NEGR1: variants seen among roughly 807,000 people sequenced by gnomAD.
NEGR1 encodes the protein IgLON family member 4.
Under a neutral mutation model 40.9 loss-of-function variants are expected in NEGR1, and 10 were observed. That is an observed-to-expected ratio of 0.24 (90% CI 0.15 to 0.42). NEGR1 has a LOEUF of 0.42. NEGR1 is among the 10% of genes least tolerant of loss of function. NEGR1 has a pLI of 1.00. For missense variants in NEGR1, 352 were observed against 438.9 expected (o/e 0.80, Z 1.77); for synonymous variants, 185 against 166.8 (o/e 1.11, Z -0.84).
chr1:71,601,300 TA>T (rs1649911435), intron 5 of NEGR1, among the ~76,000 whole-genome samples: 1 of 151,996 alleles, frequency 6.6e-6, no homozygotes, highest in Non-Finnish European at 1.5e-5. Context: ...TGGCTATTAT[TA>T]AAAAGTCAAA....
chr1:71,663,401 T>G (rs143290128), intron 4 of NEGR1, among the ~76,000 whole-genome samples: 1 of 152,336 alleles, frequency 6.6e-6, no homozygotes, highest in Non-Finnish European at 1.5e-5. Flanking sequence ...CTTGCTTCTT[T>G]GTCTATATGC....
At chr1:71,804,844 G>A (rs546368822) in intron 2 of NEGR1, among the ~76,000 whole-genome samples, 6 of 152,176 alleles carry the variant, frequency 3.9e-5, no homozygotes, top group Admixed American at 1.3e-4. Context: ...GCAATGATAA[G>A]GGAACAAGAG....
At chr1:71,717,248 A>T (rs911311212) in intron 3 of NEGR1, among the ~76,000 whole-genome samples, 6 of 152,264 alleles carry the variant, frequency 3.9e-5, no homozygotes, top group African/African-American at 1.4e-4. Context: ...AAGTGACAAT[A>T]GTTCCAGCTA....
intron 1 of NEGR1, among the ~76,000 whole-genome samples, chr1:71,956,099 C>T (rs1646117172): frequency 6.6e-6 from 1 of 152,102 alleles, no homozygotes; most frequent in East Asian, 1.9e-4. Context: ...TTAGTTTGGG[C>T]AACCATATGC....
chr1:71,927,114 C>A lies in NEGR1; in HGVS notation c.409+7965G>T, dbSNP rs1481766316. On this transcript the variant is annotated intron_variant, in intron 2 of 6. Coordinates refer to ENST00000357731, the MANE Select transcript of NEGR1 (RefSeq NM_173808.3). ...TAAATCATAGTAGCTAAACCCATAACCTAATGAATGTCAATATATTCACAG... is the reference window on the plus strand; with the variant it reads ...TAAATCATAGTAGCTAAACCCATAAACTAATGAATGTCAATATATTCACAG... Among the ~76,000 whole-genome samples, 5 of 152,182 alleles carry A rather than the reference C, an allele frequency of 3.3e-5. No individual in the cohort carries two copies. The South Asian group carries it at 1.0e-3, about 32-fold the overall frequency.
intron 6 of NEGR1, chr1:71,421,433 A>G (rs1646392940): frequency 6.6e-6 from 1 of 152,074 alleles, no homozygotes; most frequent in South Asian, 2.1e-4. Context: ...TGAAAAATGG[A>G]AAAAGGATTA....
intron 5 of NEGR1, among the ~76,000 whole-genome samples, chr1:71,601,742 G>A (rs868427888): frequency 3.6e-4 from 55 of 152,184 alleles, no homozygotes; most frequent in African/African-American, 1.0e-3. Context: ...ACTTATAAGT[G>A]GGAGTTAAAA....
At chr1:71,410,222 A>G (rs569592068) in intron 6 of NEGR1, among the ~76,000 whole-genome samples, 1 of 152,276 alleles carries the variant, frequency 6.6e-6, no homozygotes, top group African/African-American at 2.4e-5. Context: ...ATGAATCGTT[A>G]GCTTGCAATT....
Position 72,088,293 on chromosome 1 carries a change from C to T in NEGR1, c.177-152982G>A, listed in dbSNP as rs562245998. On this transcript the variant is annotated intron_variant, in intron 1 of 6. Coordinates refer to ENST00000357731, the MANE Select transcript of NEGR1 (RefSeq NM_173808.3). ...GCTCTTACTCAAAGTGTCAGACCTA[C>T]TGAAATCAGAAACTTTGGGGGAGTG... Among the ~76,000 whole-genome samples the T allele has an allele frequency of 1.2e-4, 19 of 152,220 alleles. 1 individual carries two copies. In the South Asian group the frequency reaches 3.9e-3, roughly 32 times the overall value.
intron 6 of NEGR1, among the ~76,000 whole-genome samples, chr1:71,435,010 GA>G (rs1646498262): frequency 6.6e-6 from 1 of 152,166 alleles, no homozygotes; most frequent in Non-Finnish European, 1.5e-5. Context: ...AGAATGGCGT[GA>G]ACCTGGGAGG....
At chr1:71,470,608 T>G (rs1389426406) in intron 6 of NEGR1, among the ~76,000 whole-genome samples, 1 of 152,126 alleles carries the variant, frequency 6.6e-6, no homozygotes, top group Non-Finnish European at 1.5e-5. Flanking sequence ...TACTGCCTGA[T>G]CCTTGTCAAT....
At chr1:71,638,851 T>A (rs1651252353) in intron 4 of NEGR1, among the ~76,000 whole-genome samples, 1 of 151,936 alleles carries the variant, frequency 6.6e-6, no homozygotes, top group East Asian at 1.9e-4. Context: ...CCCTTTAAAA[T>A]GCCCTTTTCC....
intron 2 of NEGR1, among the ~76,000 whole-genome samples, chr1:71,918,591 A>T (rs959611444): frequency 1.3e-5 from 2 of 152,150 alleles, no homozygotes; most frequent in Non-Finnish European, 2.9e-5. Context: ...ACTAGGTCAG[A>T]GGCTTCAAGG....
intron 1 of NEGR1, among the ~76,000 whole-genome samples, chr1:71,998,220 G>T (rs1350338814): frequency 1.3e-5 from 2 of 151,720 alleles, no homozygotes; most frequent in Admixed American, 6.6e-5. Context: ...TATCTCAAAG[G>T]TTTTGTGAAG....
chr1:71,537,739 A>C (rs1647555345), intron 6 of NEGR1, among the ~76,000 whole-genome samples: 1 of 151,794 alleles, frequency 6.6e-6, no homozygotes, highest in Admixed American at 6.6e-5. Context: ...CTGTTAAAAC[A>C]GTAGTTTAAC....
At chr1:72,050,161 A>T (rs1647045124) in intron 1 of NEGR1, among the ~76,000 whole-genome samples, 1 of 151,794 alleles carries the variant, frequency 6.6e-6, no homozygotes, top group African/African-American at 2.4e-5. Context: ...TTTAAAAATT[A>T]ATTACATATA....
intron 1 of NEGR1, among the ~76,000 whole-genome samples, chr1:72,048,464 C>T (rs1557500450): frequency 7.2e-6 from 1 of 139,126 alleles, no homozygotes; most frequent in African/African-American, 2.8e-5. Flanking sequence ...TGGTTTATAA[C>T]CCCTTTAAAT....
chr1:72,016,384 T>C (rs12567693), intron 1 of NEGR1, among the ~76,000 whole-genome samples: 12,511 of 152,094 alleles, frequency 0.082, 523 homozygotes, highest in African/African-American at 0.11. Flanking sequence ...GGTGGTACAA[T>C]TGTGAGTGGG....
At chr1:71,578,545 T>A (rs965999064) in intron 6 of NEGR1, among the ~76,000 whole-genome samples, 1 of 152,120 alleles carries the variant, frequency 6.6e-6, no homozygotes, top group African/African-American at 2.4e-5. Context: ...TACATCTATA[T>A]AGAAAAGTTC....
Sources: allele counts gnomAD v4.1 joint callset (sites outside exome capture counted in the v4.1 genomes callset), GRCh38; gene constraint gnomAD v4.1.1; transcripts MANE v1.5; gene names NCBI Gene and HGNC (gene_info 2026-07-23, HGNC 2026-07-21).